FGF14: variants seen among roughly 807,000 people sequenced by gnomAD.
FGF14 encodes the protein fibroblast growth factor homologous factor 4.
A neutral mutation model predicts 25.5 loss-of-function variants in FGF14; 5 were observed. The observed-to-expected ratio is 0.20, with a 90% CI of 0.10 to 0.41. The LOEUF is 0.41. Among genes scored for constraint, FGF14 ranks in the 10% least tolerant of loss-of-function variants. The pLI is 1.00. For synonymous variants in FGF14, 138 were observed against 118.3 expected (o/e 1.17, Z -1.08); for missense variants, 222 against 320.1 (o/e 0.69, Z 2.34).
At chr13:101,807,288 T>C (rs560179814) in intron 3 of FGF14, among the ~76,000 whole-genome samples, 3 of 152,226 alleles carry the variant, frequency 2.0e-5, no homozygotes, top group African/African-American at 7.2e-5. Flanking sequence ...CTTTAACTTA[T>C]TTCTTGAGCA....
chr13:101,815,263 A>C (rs949675498), intron 3 of FGF14, among the ~76,000 whole-genome samples: 5 of 152,144 alleles, frequency 3.3e-5, no homozygotes, highest in African/African-American at 1.2e-4. Flanking sequence ...GGAGTGAGTG[A>C]TTAAGCCTGG....
intron 3 of FGF14, among the ~76,000 whole-genome samples, chr13:101,774,640 T>C (rs74121005): frequency 6.6e-6 from 1 of 152,192 alleles, no homozygotes; most frequent in Non-Finnish European, 1.5e-5. Context: ...ATATGCATGA[T>C]AGACAGAATC....
intron 1 of FGF14, among the ~76,000 whole-genome samples, chr13:101,907,709 T>C (rs569847250): frequency 6.1e-4 from 93 of 152,276 alleles, no homozygotes; most frequent in Non-Finnish European, 1.3e-3. Flanking sequence ...GAGGGGATTC[T>C]TTTTTAACAT....
At chr13:102,172,479 T>C (rs1169366082) in intron 1 of FGF14, among the ~76,000 whole-genome samples, 3 of 152,104 alleles carry the variant, frequency 2.0e-5, no homozygotes, top group Non-Finnish European at 4.4e-5. Flanking sequence ...TGTAGTGACA[T>C]ACATTTACAC....
chr13:102,353,267 G>A (rs1396516673), intron 1 of FGF14, among the ~76,000 whole-genome samples: 5 of 152,052 alleles, frequency 3.3e-5, no homozygotes, highest in Non-Finnish European at 1.5e-5. Flanking sequence ...CAATCTCTTT[G>A]CCATCTCCCC....
intron 1 of FGF14, among the ~76,000 whole-genome samples, chr13:102,225,816 T>C (rs2050802417): frequency 6.6e-6 from 1 of 152,210 alleles, no homozygotes; most frequent in Non-Finnish European, 1.5e-5. Flanking sequence ...AAGTAAATTA[T>C]ATTTTCCTTG....
intron 1 of FGF14, among the ~76,000 whole-genome samples, chr13:102,136,201 A>G (rs993559152): frequency 2.0e-5 from 3 of 152,120 alleles, no homozygotes; most frequent in African/African-American, 7.2e-5. Context: ...GCAAACACTG[A>G]TAGTTGATAT....
At chr13:101,843,636 A>C (rs936234259) in intron 3 of FGF14, among the ~76,000 whole-genome samples, 2 of 152,064 alleles carry the variant, frequency 1.3e-5, no homozygotes, top group African/African-American at 4.8e-5. Flanking sequence ...TTATGATATC[A>C]TAAGGAACAC....
chr13:101,943,940 G>A (rs1369829000), intron 1 of FGF14, among the ~76,000 whole-genome samples: 2 of 148,594 alleles, frequency 1.3e-5, no homozygotes, highest in African/African-American at 2.5e-5. Context: ...AGGCGGGGTT[G>A]TGGTGAGCCG....
At chr13:102,094,072 A>AAGGAG (rs202069283) in intron 1 of FGF14, among the ~76,000 whole-genome samples, 3 of 129,708 alleles carry the variant, frequency 2.3e-5, no homozygotes, top group Non-Finnish European at 4.8e-5. Context: ...CTAAAAAAGG[A>AAGGAG]AGGAGAGGAG....
intron 3 of FGF14, among the ~76,000 whole-genome samples, chr13:101,739,113 A>ATATATATATATATATATATACATG (rs2036382948): frequency 2.6e-3 from 21 of 8,104 alleles, no homozygotes; most frequent in African/African-American, 4.2e-3. Context: ...ATATACATGT[A>ATATATATATATATATATATACATG]TATATATATA....
chr13:102,312,981 A>T (rs575928136), intron 1 of FGF14, among the ~76,000 whole-genome samples: 5 of 152,314 alleles, frequency 3.3e-5, no homozygotes, highest in African/African-American at 9.6e-5. Context: ...CCCTGACAAA[A>T]GCAAGTGAGT....
intron 1 of FGF14, among the ~76,000 whole-genome samples, chr13:102,212,228 T>C (rs2050191008): frequency 6.6e-6 from 1 of 152,304 alleles, no homozygotes; most frequent in South Asian, 2.1e-4. Flanking sequence ...CATTTGTTTG[T>C]TGGTTTAATA....
intron 1 of FGF14, among the ~76,000 whole-genome samples, chr13:101,985,370 T>C (rs980881495): frequency 6.6e-6 from 1 of 152,064 alleles, no homozygotes. Context: ...ACAGAACTCA[T>C]TACATTATGA....
chr13:102,241,595 TC>T (rs1247195082), intron 1 of FGF14, among the ~76,000 whole-genome samples: 2 of 152,158 alleles, frequency 1.3e-5, no homozygotes, highest in Non-Finnish European at 2.9e-5. Flanking sequence ...AAAAATATGA[TC>T]TGTCCACCTG....
At chr13:102,380,174 A>G (rs769958626) in intron 1 of FGF14, among the ~76,000 whole-genome samples, 3 of 150,756 alleles carry the variant, frequency 2.0e-5, no homozygotes, top group Non-Finnish European at 4.4e-5. Flanking sequence ...CATGGAACTG[A>G]CATTCCATGG....
intron 1 of FGF14, among the ~76,000 whole-genome samples, chr13:102,376,907 G>A (rs1197173031): frequency 6.6e-6 from 1 of 152,140 alleles, no homozygotes; most frequent in Non-Finnish European, 1.5e-5. Flanking sequence ...ACTGGCACAA[G>A]CCCATGGGCA....
At chr13:102,182,989 A>G (rs1050215172) in intron 1 of FGF14, among the ~76,000 whole-genome samples, 1 of 152,164 alleles carries the variant, frequency 6.6e-6, no homozygotes, top group Non-Finnish European at 1.5e-5. Flanking sequence ...ATGAGATATT[A>G]GATAACCTGG....
At chr13:102,096,629 A>G (rs2044414185) in intron 1 of FGF14, among the ~76,000 whole-genome samples, 1 of 152,170 alleles carries the variant, frequency 6.6e-6, no homozygotes, top group Non-Finnish European at 1.5e-5. Flanking sequence ...ATTCCCAGAG[A>G]CTCAGAGAGG....
Sources: allele counts gnomAD v4.1 joint callset (sites outside exome capture counted in the v4.1 genomes callset), GRCh38; gene constraint gnomAD v4.1.1; transcripts MANE v1.5; gene names NCBI Gene and HGNC (gene_info 2026-07-23, HGNC 2026-07-21).